The following DENND1B variants were observed in gnomAD, a reference collection of about 807,000 sequenced individuals.
The protein encoded by DENND1B is DENN domain containing 1B, also known as DENN domain-containing protein 1B.
In DENND1B, 59 loss-of-function variants were observed where a neutral mutation model predicts 90.1. The ratio of observed to expected loss-of-function variants is 0.65; its 90% CI spans 0.53 to 0.81. The LOEUF (loss-of-function observed/expected upper bound fraction) is 0.81. DENND1B is among the 40% of genes least tolerant of loss of function. DENND1B has a pLI of 0.00. For synonymous variants in DENND1B, 337 were observed against 324.6 expected (o/e 1.04, Z -0.41); for missense variants, 862 against 912.6 (o/e 0.94, Z 0.71).
Position 197,539,949 on chromosome 1 carries a change from A to G in DENND1B, c.1515+15T>C. 2 of 1,581,798 alleles carry G rather than the reference A, an allele frequency of 1.3e-6. No individual in the cohort carries two copies. Among genetic ancestry groups the G allele is most frequent in the South Asian group, 2.2e-5 (2 of 89,416 alleles). ...TGAGAATGTGGGGGAATGAAGGGTAAATAACCTTACTTACCTGAGCAAGCT... is the reference window on the plus strand; with the variant it reads ...TGAGAATGTGGGGGAATGAAGGGTAGATAACCTTACTTACCTGAGCAAGCT... On this transcript the variant is annotated intron_variant, in intron 20 of 22. Coordinates refer to ENST00000620048, the MANE Select transcript of DENND1B (RefSeq NM_001195215.2).
intron 3 of DENND1B, among the ~76,000 whole-genome samples, 170 bp from the exon 4 acceptor site, chr1:197,674,339 T>G (rs375938252): frequency 6.6e-6 from 1 of 152,192 alleles, no homozygotes; most frequent in African/African-American, 2.4e-5. Context: ...GGAATTAAGT[T>G]TGTGCTTTGG....
rs1423459850 is a variant in DENND1B, at chr1:197,506,613, G to A, written c.*3847C>T. ...CTATTGATTATGAGACATTCACAGT[G>A]TTCTCCTCTTGATCAGGAGTCTACT... On this transcript the variant is annotated 3_prime_UTR_variant, in exon 23 of 23. Coordinates refer to ENST00000620048, the MANE Select transcript of DENND1B (RefSeq NM_001195215.2). The A allele has an allele frequency of 2.0e-5, 3 of 151,406 alleles. No homozygotes were observed. Among genetic ancestry groups the A allele is most frequent in the Non-Finnish European group, 4.4e-5 (3 of 67,572 alleles). 9.4% of individuals were successfully genotyped at this position (151,406 alleles called of 1,614,324 possible).
At chr1:197,571,035 A>C (rs1030946739) in intron 15 of DENND1B, among the ~76,000 whole-genome samples, 2 of 150,396 alleles carry the variant, frequency 1.3e-5, no homozygotes, top group African/African-American at 2.5e-5. Context: ...ATTTCTCTCT[A>C]CTCTAACCCA....
At chr1:197,701,273 T>C (rs1372369913) in intron 3 of DENND1B, among the ~76,000 whole-genome samples, 1 of 152,180 alleles carries the variant, frequency 6.6e-6, no homozygotes, top group South Asian at 2.1e-4. Context: ...GATAATGTCC[T>C]TTGCAGGGAC....
chr1:197,639,047 A>G (rs540892838), intron 10 of DENND1B, among the ~76,000 whole-genome samples: 10 of 151,520 alleles, frequency 6.6e-5, no homozygotes, highest in African/African-American at 2.4e-4. Flanking sequence ...TTAATTTTAA[A>G]CTTTTCATCT....
At chr1:197,633,994 G>C (rs1225822530) in intron 10 of DENND1B, among the ~76,000 whole-genome samples, 1 of 152,004 alleles carries the variant, frequency 6.6e-6, no homozygotes. Flanking sequence ...TTTCTCTGAG[G>C]GCAGCTTTCC....
chr1:197,601,783 A>G (rs964622598), intron 13 of DENND1B, among the ~76,000 whole-genome samples: 10 of 151,746 alleles, frequency 6.6e-5, no homozygotes, highest in African/African-American at 2.2e-4. Context: ...GAGAGAAACT[A>G]ACAAAAATAT....
intron 3 of DENND1B, chr1:197,685,690 T>C (rs993680278): frequency 5.1e-4 from 77 of 152,284 alleles, no homozygotes; most frequent in African/African-American, 1.8e-3. Context: ...CAAAGAAATG[T>C]TAACTGATAG....
chr1:197,673,817 A>AT (rs886447450), intron 4 of DENND1B, among the ~76,000 whole-genome samples: 13 of 152,078 alleles, frequency 8.5e-5, no homozygotes, highest in East Asian at 3.8e-4. Context: ...TCATATTAGT[A>AT]TTTTTTTCCA....
At chr1:197,773,304 A>G (rs1656852957) in intron 1 of DENND1B, among the ~76,000 whole-genome samples, 1 of 152,228 alleles carries the variant, frequency 6.6e-6, no homozygotes, top group Admixed American at 6.5e-5. Flanking sequence ...TTATTGGATC[A>G]AATTTAAAAG....
chr1:197,595,781 AT>A (rs1675633132), intron 13 of DENND1B, among the ~76,000 whole-genome samples: 1 of 152,092 alleles, frequency 6.6e-6, no homozygotes, highest in Non-Finnish European at 1.5e-5. Flanking sequence ...ATTTGCATAT[AT>A]AATTTTCCAG....
chr1:197,552,877 A>T lies in DENND1B; in HGVS notation c.1240+145T>A, dbSNP rs1394495559. The T allele has an allele frequency of 7.0e-6, 10 of 1,438,410 alleles. No homozygotes were observed. In the Admixed American group the frequency reaches 1.3e-4, roughly 18 times the overall value. 89.1% of individuals were successfully genotyped at this position (1,438,410 alleles called of 1,614,324 possible). On this transcript the variant is annotated intron_variant, in intron 16 of 22. Coordinates refer to ENST00000620048, the MANE Select transcript of DENND1B (RefSeq NM_001195215.2). ...AAAATAAGCTAATTCCATAGCTTTT[A>T]TAAGATGAAAAATGTATTTAAGACA...
At chr1:197,599,640 C>T (rs371524753) in intron 13 of DENND1B, among the ~76,000 whole-genome samples, 20 of 151,952 alleles carry the variant, frequency 1.3e-4, no homozygotes, top group East Asian at 5.8e-4. Flanking sequence ...TAAATCCCTA[C>T]ACTTTTTTAA....
At chr1:197,750,545 T>G (rs943036969) in intron 2 of DENND1B, among the ~76,000 whole-genome samples, 1 of 151,118 alleles carries the variant, frequency 6.6e-6, no homozygotes, top group Non-Finnish European at 1.5e-5. Context: ...AGGCAATGAT[T>G]GTTAGACTGG....
intron 19 of DENND1B, 88 bp downstream of exon 19, chr1:197,540,870 AT>A: frequency 7.8e-7 from 1 of 1,278,398 alleles, no homozygotes; most frequent in Non-Finnish European, 1.1e-6. Context: ...TTCAAATGTC[AT>A]TAAAAACACA....
intron 16 of DENND1B, chr1:197,552,271 T>C: frequency 1.5e-5 from 15 of 983,144 alleles, no homozygotes; most frequent in Non-Finnish European, 1.8e-5. Context: ...ACAAGGATTT[T>C]TGTTTATTTA....
intron 13 of DENND1B, chr1:197,606,139 A>T (rs1325016488): frequency 6.6e-6 from 1 of 151,192 alleles, no homozygotes; most frequent in Non-Finnish European, 1.5e-5. Flanking sequence ...TAAAATATAT[A>T]CAGAAACAGT....
intron 10 of DENND1B, among the ~76,000 whole-genome samples, chr1:197,619,602 ATGTGAGGTATTATATTTAATACC>A (rs1374553196): frequency 6.0e-5 from 9 of 151,256 alleles, no homozygotes; most frequent in African/African-American, 2.2e-4. Flanking sequence ...CACGTTCTTA[ATGTGAGGTATTATATTTAATACC>A]TCACTTTATT....
chr1:197,776,708 C>A (rs1657288100), upstream of DENND1B, among the ~76,000 whole-genome samples: 1 of 152,028 alleles, frequency 6.6e-6, no homozygotes, highest in African/African-American at 2.4e-5. Context: ...GTTATATAAC[C>A]TTAAACTTTC....
Sources: gnomAD v4.1 joint callset for allele counts (sites outside exome capture counted in the v4.1 genomes callset) on GRCh38, gnomAD v4.1.1 for gene constraint, MANE v1.5 for transcripts, NCBI Gene and HGNC (gene_info 2026-07-23, HGNC 2026-07-21) for gene names.